UGT1A7: variants seen among roughly 807,000 people sequenced by gnomAD.
The protein encoded by UGT1A7 is UDP glucuronosyltransferase family 1 member A7.
In UGT1A7, 33 loss-of-function variants were observed where a neutral mutation model predicts 45.6. That is an observed-to-expected ratio of 0.72 (90% CI 0.55 to 0.97). The LOEUF (loss-of-function observed/expected upper bound fraction) is 0.97, where lower values mean the gene tolerates loss of function less well. Among genes scored for constraint, UGT1A7 ranks in the 50% least tolerant of loss-of-function variants. UGT1A7 has a pLI of 0.00. For missense variants in UGT1A7, 684 were observed against 666.2 expected (o/e 1.03, Z -0.29); for synonymous variants, 274 against 250.6 (o/e 1.09, Z -0.88).
At chr2:233,703,771 TA>T (rs1575476815) in intron 1 of UGT1A7, among the ~76,000 whole-genome samples, 2 of 151,768 alleles carry the variant, frequency 1.3e-5, no homozygotes, top group African/African-American at 2.4e-5. Context: ...GCAGACAAGA[TA>T]TTATTAGTCC....
intron 2 of UGT1A7, 69 bp from the exon 3 acceptor site, chr2:233,767,780 G>A (rs1699481282): frequency 1.9e-6 from 3 of 1,613,138 alleles, no homozygotes; most frequent in Non-Finnish European, 2.5e-6. Flanking sequence ...TTTCTAGTTA[G>A]TATAGCAGAT....
intron 1 of UGT1A7, 57 bp downstream of exon 1, chr2:233,682,849 T>G: frequency 6.5e-7 from 1 of 1,540,284 alleles, no homozygotes; most frequent in Non-Finnish European, 8.7e-7. Flanking sequence ...AATTAAAAGA[T>G]TTCTTACAGA....
intron 1 of UGT1A7, chr2:233,760,443 G>A (rs773136953): frequency 2.5e-6 from 4 of 1,614,132 alleles, no homozygotes; most frequent in Non-Finnish European, 1.7e-6. Context: ...AGCTGCAGCA[G>A]AGGGGACATG....
At position 233,772,264 on chromosome 2, in the gene UGT1A7, A is replaced by T. The variant is rs766626435; in HGVS notation, c.1298A>T (p.Tyr433Phe). ...AACGAAACTGTCTTTGTGTTTAGTTACAAGGAGAACATCATGCGCCTCTCC... is the reference window on the plus strand; with the variant it reads ...AACGAAACTGTCTTTGTGTTTAGTTTCAAGGAGAACATCATGCGCCTCTCC... ...ALKAVINDKSYKENIMRLSSL... is the reference protein window; with the variant it reads ...ALKAVINDKSFKENIMRLSSL... The change falls in exon 5 of 5, where the codon TAC (tyrosine) becomes TTC (phenylalanine). Residue 433 changes from tyrosine (Y) to phenylalanine (F), a missense_variant and splice_region_variant. Transcript: ENST00000373426. 1.9e-6 allele frequency: 3 copies of T among 1,614,262 alleles called. No individual in the cohort carries two copies. Among genetic ancestry groups the T allele is most frequent in the Non-Finnish European group, 2.5e-6 (3 of 1,180,060 alleles).
At chr2:233,709,223 G>C (rs546469798) in intron 1 of UGT1A7, among the ~76,000 whole-genome samples, 1 of 152,140 alleles carries the variant, frequency 6.6e-6, no homozygotes, top group Non-Finnish European at 1.5e-5. Flanking sequence ...TGAGAGTTTG[G>C]GGGAGGGGTG....
At chr2:233,755,155 T>C (rs921927491) in intron 1 of UGT1A7, 4 of 1,293,388 alleles carry the variant, frequency 3.1e-6, no homozygotes, top group Middle Eastern at 2.2e-4. Flanking sequence ...GCTTCCTCCC[T>C]GTCCTCGGGG....
chr2:233,746,471 A>T (rs538596800), intron 1 of UGT1A7, among the ~76,000 whole-genome samples: 1 of 151,696 alleles, frequency 6.6e-6, no homozygotes, highest in Non-Finnish European at 1.5e-5. Flanking sequence ...GGGTTCCAGA[A>T]ACACTTTCCA....
At chr2:233,708,017 T>C (rs1188075129) in intron 1 of UGT1A7, among the ~76,000 whole-genome samples, 1 of 152,118 alleles carries the variant, frequency 6.6e-6, no homozygotes, top group Non-Finnish European at 1.5e-5. Flanking sequence ...TTCTGGATAC[T>C]AGTTCTTTGG....
chr2:233,754,906 T>C, intron 1 of UGT1A7: 3 of 1,351,506 alleles, frequency 2.2e-6, no homozygotes, highest in South Asian at 1.1e-5. Flanking sequence ...CCCCCCAAAA[T>C]ATTCTCCAGC....
Position 233,747,991 on chromosome 2 carries a change from A to C in UGT1A7, c.856-19043A>C, listed in dbSNP as rs532442400. On this transcript the variant is annotated intron_variant, in intron 1 of 4. Transcript: ENST00000373426. The stretch of plus-strand genomic sequence containing the variant: ...GCATCTGTGTGGCTGTTCCGAGGGG[A>C]CTTTGTGATGGATTACCCCAGGCCG... 1.5e-4 allele frequency: 241 copies of C among 1,612,988 alleles called. 4 individuals are homozygous for C. In the African/African-American group the frequency reaches 3.1e-3, roughly 21 times the overall value.
intron 1 of UGT1A7, chr2:233,743,944 C>A: frequency 7.4e-7 from 1 of 1,351,520 alleles, no homozygotes; most frequent in Non-Finnish European, 9.9e-7. Context: ...GCCCACCAGG[C>A]ACTGGCACAG....
chr2:233,713,409 C>T (rs904986481), intron 1 of UGT1A7: 5 of 1,614,030 alleles, frequency 3.1e-6, no homozygotes, highest in Non-Finnish European at 4.2e-6. Flanking sequence ...CCTGATCAGG[C>T]ACCTGCATGC....
Position 233,747,869 on chromosome 2 carries a change from C to T in UGT1A7, c.856-19165C>T, listed in dbSNP as rs1693798150. The T allele has an allele frequency of 2.5e-6, 4 of 1,613,468 alleles. No individual in the cohort carries two copies. In the Admixed American group the frequency reaches 6.7e-5, roughly 27 times the overall value. Reference sequence around the variant, plus strand: ...TCAAGAACATGCTCTACCCTCTGGCCCTGTCCTACCTTTGCCATGCTCTTT... The same window carrying T: ...TCAAGAACATGCTCTACCCTCTGGCTCTGTCCTACCTTTGCCATGCTCTTT... On this transcript the variant is annotated intron_variant, in intron 1 of 4. Coordinates refer to ENST00000373426, the MANE Select transcript of UGT1A7 (RefSeq NM_019077.3).
At chr2:233,770,636 C>A (rs184236335) in intron 4 of UGT1A7, 1 of 149,556 alleles carries the variant, frequency 6.7e-6, no homozygotes, top group Non-Finnish European at 1.5e-5. Context: ...CCAGCCTGGG[C>A]GACAGAGTGA....
At chr2:233,713,812 T>C (rs1478961341) in intron 1 of UGT1A7, 1 of 1,613,968 alleles carries the variant, frequency 6.2e-7, no homozygotes, top group Non-Finnish European at 8.5e-7. Flanking sequence ...CCCAACATGG[T>C]CTTCATTGGG....
At chr2:233,755,384 G>A in intron 1 of UGT1A7, 2 of 348,148 alleles carry the variant, frequency 5.7e-6, no homozygotes, top group Non-Finnish European at 1.1e-5. Context: ...CGCCCCTTAT[G>A]ACGCAGCCAC....
intron 1 of UGT1A7, among the ~76,000 whole-genome samples, chr2:233,732,486 A>G (rs780972639): frequency 6.6e-6 from 1 of 152,226 alleles, no homozygotes; most frequent in Non-Finnish European, 1.5e-5. Context: ...TAATTTTTGT[A>G]TAAGGCGTAA....
At chr2:233,737,199 C>T (rs762867419) in intron 1 of UGT1A7, among the ~76,000 whole-genome samples, 7 of 152,222 alleles carry the variant, frequency 4.6e-5, no homozygotes, top group Non-Finnish European at 7.3e-5. Flanking sequence ...TGCTGAGCTG[C>T]GGTGGACTCT....
At chr2:233,758,681 T>C (rs543730611) in intron 1 of UGT1A7, among the ~76,000 whole-genome samples, 2 of 152,218 alleles carry the variant, frequency 1.3e-5, no homozygotes, top group Admixed American at 6.5e-5. Context: ...ATATGTCCCA[T>C]AGGACACCAA....
Sources: allele counts gnomAD v4.1 joint callset (sites outside exome capture counted in the v4.1 genomes callset), GRCh38; gene constraint gnomAD v4.1.1; transcripts MANE v1.5; gene names NCBI Gene and HGNC (gene_info 2026-07-23, HGNC 2026-07-21).